The following CYSTM1 variants were observed in gnomAD, a reference collection of about 807,000 sequenced individuals.
The protein encoded by CYSTM1 is cysteine-rich transmembrane module-containing protein 1.
Under a neutral mutation model 13.1 loss-of-function variants are expected in CYSTM1, and 4 were observed. That is an observed-to-expected ratio of 0.31 (90% confidence interval 0.15 to 0.70). CYSTM1 has a LOEUF of 0.70. CYSTM1 is among the 30% of genes least tolerant of loss of function. The pLI is 0.72. For missense variants in CYSTM1, 96 were observed against 121.6 expected, an observed-to-expected ratio of 0.79 and a Z score of 0.99; for synonymous variants, 36 against 42.7, an observed-to-expected ratio of 0.84 and a Z score of 0.62.
intron 1 of CYSTM1, among the ~76,000 whole-genome samples, chr5:140,181,185 G>A (rs545500047): frequency 3.2e-4 from 49 of 152,318 alleles, no homozygotes; most frequent in Middle Eastern, 3.4e-3. Flanking sequence ...GTCAGTTGGG[G>A]AGAAAGTGTG....
In CYSTM1 at chr5:140,175,575, C is replaced by A. The variant is rs962715013; in HGVS notation, c.-21+290C>A. Among the ~76,000 whole-genome samples the A allele has an allele frequency of 2.6e-5, 4 of 152,232 alleles. No individual in the cohort carries two copies. Among genetic ancestry groups the A allele is most frequent in the Non-Finnish European group, 4.4e-5 (3 of 68,040 alleles). On this transcript the variant is annotated intron_variant, in intron 1 of 2. Transcript: ENST00000261811. The surrounding 1 kb of genome is among the most constrained non-coding windows in gnomAD (Gnocchi z 4.9). Reference sequence around the variant, plus strand: ...AGGGTCTCCGCGTCGCTGCGGTTCTCGTCTCACGAGGAGTCGGCGGGCTCG... The same window carrying A: ...AGGGTCTCCGCGTCGCTGCGGTTCTAGTCTCACGAGGAGTCGGCGGGCTCG...
chr5:140,212,303 C>A (rs926240876), intron 2 of CYSTM1, among the ~76,000 whole-genome samples: 1 of 152,220 alleles, frequency 6.6e-6, no homozygotes, highest in Non-Finnish European at 1.5e-5. Context: ...TGGAAAATTT[C>A]TATCCCTAGT....
chr5:140,184,213 T>G (rs1344923415), intron 1 of CYSTM1, among the ~76,000 whole-genome samples: 1 of 152,216 alleles, frequency 6.6e-6, no homozygotes, highest in Non-Finnish European at 1.5e-5. Flanking sequence ...GTGTTGCAAT[T>G]TGTTTTTTTC....
intron 2 of CYSTM1, among the ~76,000 whole-genome samples, chr5:140,206,025 C>T (rs139816533): frequency 1.3e-5 from 2 of 152,296 alleles, no homozygotes; most frequent in East Asian, 1.9e-4. Context: ...CCTTTGTGAG[C>T]GGGCTGCTGC....
intron 2 of CYSTM1, among the ~76,000 whole-genome samples, chr5:140,224,027 T>A (rs908038266): frequency 1.3e-5 from 2 of 152,202 alleles, no homozygotes; most frequent in Admixed American, 1.3e-4. Flanking sequence ...AAGCAATGTC[T>A]CAGGTGGAGG....
At chr5:140,200,309 G>C (rs1424285234) in intron 2 of CYSTM1, 6 of 152,112 alleles carry the variant, frequency 3.9e-5, no homozygotes, top group African/African-American at 1.4e-4. Context: ...AAGGTATAAG[G>C]AAGGGGTCCA....
intron 2 of CYSTM1, among the ~76,000 whole-genome samples, chr5:140,195,783 G>C (rs573040666): frequency 6.7e-6 from 1 of 149,336 alleles, no homozygotes; most frequent in African/African-American, 2.4e-5. Context: ...AGTGGCTCAT[G>C]CCTGTAATCC....
At chr5:140,210,267 T>G (rs1764347983) in intron 2 of CYSTM1, among the ~76,000 whole-genome samples, 1 of 152,200 alleles carries the variant, frequency 6.6e-6, no homozygotes, top group South Asian at 2.1e-4. Context: ...TTCTATAGGT[T>G]AAAATTTCTC....
At chr5:140,211,719 G>A (rs1764370300) in intron 2 of CYSTM1, among the ~76,000 whole-genome samples, 1 of 152,156 alleles carries the variant, frequency 6.6e-6, no homozygotes, top group South Asian at 2.1e-4. Context: ...GGCCAAGGTG[G>A]GTGGATCACT....
intron 2 of CYSTM1, among the ~76,000 whole-genome samples, chr5:140,220,086 G>A (rs1039973744): frequency 2.6e-4 from 40 of 152,130 alleles, no homozygotes; most frequent in South Asian, 6.2e-4. Flanking sequence ...TGACATTGGG[G>A]GTTTTTGGTT....
At chr5:140,213,345 T>G (rs948931172) in intron 2 of CYSTM1, among the ~76,000 whole-genome samples, 24 of 152,286 alleles carry the variant, frequency 1.6e-4, no homozygotes, top group African/African-American at 5.5e-4. Context: ...TTTGTTTAGC[T>G]GTATAATATA....
chr5:140,227,698 C>A (rs1048806277), intron 2 of CYSTM1, among the ~76,000 whole-genome samples: 16 of 152,110 alleles, frequency 1.1e-4, no homozygotes, highest in African/African-American at 2.9e-4. Context: ...GCCCCTAAAG[C>A]CCCCGGAACT....
intron 1 of CYSTM1, among the ~76,000 whole-genome samples, chr5:140,193,921 A>G (rs1764121783): frequency 6.6e-6 from 1 of 152,210 alleles, no homozygotes; most frequent in Admixed American, 6.5e-5. Context: ...GGTGATGGTT[A>G]CAAACTTTGG....
At chr5:140,178,802 A>G (rs769369727) in intron 1 of CYSTM1, among the ~76,000 whole-genome samples, 2 of 151,782 alleles carry the variant, frequency 1.3e-5, no homozygotes, top group African/African-American at 2.4e-5. Flanking sequence ...GAGTTTTGAC[A>G]TGTTGCCCAG....
chr5:140,198,918 C>G (rs1014917562), intron 2 of CYSTM1, among the ~76,000 whole-genome samples: 2 of 152,278 alleles, frequency 1.3e-5, no homozygotes, highest in South Asian at 4.1e-4. Context: ...CACCCGTCAT[C>G]TACATTGGGT....
chr5:140,191,047 G>A (rs1278341492), intron 1 of CYSTM1, among the ~76,000 whole-genome samples: 3 of 151,972 alleles, frequency 2.0e-5, no homozygotes, highest in African/African-American at 4.8e-5. Context: ...AATCTTTTTT[G>A]CTTTGCTTTT....
At chr5:140,176,648 A>C (rs1757866292) in intron 1 of CYSTM1, among the ~76,000 whole-genome samples, 1 of 152,306 alleles carries the variant, frequency 6.6e-6, no homozygotes, top group East Asian at 1.9e-4. Context: ...TGAAACCCAA[A>C]CCCCAAATGA....
Position 140,243,492 on chromosome 5 carries a change from C to A in CYSTM1, c.*81C>A. On this transcript the variant is annotated 3_prime_UTR_variant, in exon 3 of 3. Transcript: ENST00000261811. ...TGCCTGCCCCCATCTCTTCTGATTG[C>A]TGTTAACAAATGACTAGCTTTGCAC... is the stretch of plus-strand genomic sequence containing the variant. 8.3e-7 allele frequency: 1 copy of A among 1,203,958 alleles called. No homozygotes were observed. The highest frequency in any genetic ancestry group is 1.2e-6 in the Non-Finnish European group (1 of 840,000). 74.6% of individuals were successfully genotyped at this position (1,203,958 alleles called of 1,614,324 possible).
chr5:140,217,945 G>C lies in CYSTM1; in HGVS notation c.187+23293G>C, dbSNP rs1356387015. ...CATCCAGATAAAATTAGGAGCTGAG[G>C]GTCCCCAGAGTTTATCTTGGAGGTC... On this transcript the variant is annotated intron_variant, in intron 2 of 2. Transcript: ENST00000261811. Among the ~76,000 whole-genome samples, 4 of 152,114 alleles carry C rather than the reference G, an allele frequency of 2.6e-5. No individual in the cohort carries two copies. The East Asian group carries it at 7.7e-4, about 29-fold the overall frequency.
Sources: gnomAD v4.1 joint callset for allele counts (sites outside exome capture counted in the v4.1 genomes callset) on GRCh38, gnomAD v4.1.1 for gene constraint, Gnocchi (gnomAD v3.1) non-coding constraint, MANE v1.5 for transcripts, NCBI Gene and HGNC (gene_info 2026-07-23, HGNC 2026-07-21) for gene names.